DBN1: variants seen among roughly 807,000 people sequenced by gnomAD.
The protein encoded by DBN1 is drebrin.
DBN1 carries 21 observed loss-of-function variants against 83.5 expected under a neutral mutation model. The ratio of observed to expected loss-of-function variants is 0.25; its 90% CI spans 0.18 to 0.36. The LOEUF (loss-of-function observed/expected upper bound fraction) is 0.36, where lower values mean the gene tolerates loss of function less well. DBN1 is among the 10% of genes least tolerant of loss of function. The pLI, the probability that DBN1 is intolerant of heterozygous loss-of-function variation, is 1.00. For missense variants in DBN1, 874 were observed against 935.7 expected, an observed-to-expected ratio of 0.93 and a Z score of 0.86; for synonymous variants, 381 against 384.9, an observed-to-expected ratio of 0.99 and a Z score of 0.12.
At chr5:177,468,639 G>T in intron 2 of DBN1, 2 of 429,788 alleles carry the variant, frequency 4.7e-6, no homozygotes, top group Non-Finnish European at 8.2e-6. Flanking sequence ...CTCAGCCTCA[G>T]AAGTCCAACA....
chr5:177,457,299 G>T lies in DBN1; in HGVS notation c.*134C>A. ...GCCCTGTGGGTAGGGAAGCGGCCAA[G>T]TCCCCAGCCAGGGCCGGAATCCGGA... On this transcript the variant is annotated 3_prime_UTR_variant, in exon 15 of 15. Coordinates refer to ENST00000393565, the MANE Select transcript of DBN1 (RefSeq NM_001363541.2). 1 of 756,864 alleles carries T rather than the reference G, an allele frequency of 1.3e-6. No individual in the cohort carries two copies. The allele number at this position is 756,864 out of a possible 1,614,324, so 46.9% of individuals were successfully genotyped here.
Position 177,457,402 on chromosome 5 carries a change from TG to T in DBN1, c.*30del. The T allele has an allele frequency of 1.9e-6, 3 of 1,604,310 alleles. No homozygotes were observed. Among genetic ancestry groups the T allele is most frequent in the Non-Finnish European group, 2.6e-6 (3 of 1,171,400 alleles). On this transcript the variant is annotated 3_prime_UTR_variant, in exon 15 of 15. Coordinates refer to ENST00000393565, the MANE Select transcript of DBN1 (RefSeq NM_001363541.2). ...AGAGGCTGATGCAGGTGGGCGGCCT[TG>T]GCAAGGGTAGCCTAGGGCTGGCGCC...
At position 177,467,695 on chromosome 5, in the gene DBN1, C is replaced by T. The variant is rs763334591; in HGVS notation, c.330+48G>A. 1 of 1,553,384 alleles carries T rather than the reference C, an allele frequency of 6.4e-7. No homozygotes were observed. The highest frequency in any genetic ancestry group is 8.7e-7 in the Non-Finnish European group (1 of 1,148,312). ...CGCCATCCCCACCCCAGCACGCAGA[C>T]CCTGGTGGCTGTCCCCACCCCCAAG... is the stretch of plus-strand genomic sequence containing the variant. On this transcript the variant is annotated intron_variant, in intron 4 of 14. Transcript: ENST00000393565. This position sits in a 1 kb window ranked among gnomAD's most constrained non-coding sequence, Gnocchi z 9.1.
At chr5:177,468,965 G>C in intron 1 of DBN1, 66 bp from the exon 2 acceptor site, 1 of 1,049,112 alleles carries the variant, frequency 9.5e-7, no homozygotes, top group Non-Finnish European at 1.3e-6. Context: ...GGTGGGGACG[G>C]CTCTGGGGAG....
intron 8 of DBN1, among the ~76,000 whole-genome samples, chr5:177,463,983 C>T (rs187323527): frequency 6.6e-6 from 1 of 151,002 alleles, no homozygotes; most frequent in Non-Finnish European, 1.5e-5. Flanking sequence ...GGCATGGAGC[C>T]GTGCACCTGT....
At chr5:177,464,025 G>A (rs1757230288) in intron 8 of DBN1, among the ~76,000 whole-genome samples, 1 of 151,972 alleles carries the variant, frequency 6.6e-6, no homozygotes, top group Non-Finnish European at 1.5e-5. Flanking sequence ...TGAGGCAGGA[G>A]AATCGCTTGA....
Position 177,459,682 on chromosome 5 carries a change from A to AGAGGAG in DBN1, c.1008_1013dup (p.Ser341_Ser342dup). On this transcript the variant is annotated inframe_insertion, in exon 11 of 15. Transcript: ENST00000393565. The stretch of plus-strand genomic sequence containing the variant: ...GAGTCCGTGGAGGGGAGGAGGAGGA[A>AGAGGAG]GAGGAGGAGGAGGAAGGCCCACTGT... 6.3e-7 allele frequency: 1 copy of AGAGGAG among 1,592,082 alleles called. No homozygotes were observed. Among genetic ancestry groups the AGAGGAG allele is most frequent in the Non-Finnish European group, 8.5e-7 (1 of 1,169,624 alleles).
At chr5:177,457,938 C>T in intron 13 of DBN1, 120 bp downstream of exon 13, 1 of 1,453,054 alleles carries the variant, frequency 6.9e-7, no homozygotes, top group African/African-American at 1.4e-5. Context: ...ATGGACTTCC[C>T]CTCAAATAAT....
chr5:177,458,840 C>T, intron 12 of DBN1, 133 bp from the exon 13 acceptor site: 3 of 1,114,322 alleles, frequency 2.7e-6, no homozygotes, highest in Non-Finnish European at 3.7e-6. Context: ...ACCCAGTGAC[C>T]CCAGTGACTT....
In DBN1 at chr5:177,459,196, G is replaced by A; in HGVS notation, c.1166C>T (p.Thr389Ile). ...CTGCTCAGCGACAGGGGTGGAGGCG[G>A]TGCTGGAGTCAGACGGGCTCCGCGT... ...IPTRSPSDSS[T>I]ASTPVAEQIE... Residue 389 changes from threonine to isoleucine, a missense_variant, in exon 12 of 15, where the codon ACC becomes ATC. By Grantham distance (89) the Thr-to-Ile change is moderately conservative (BLOSUM62 -1). This residue lies in a region of DBN1 where 725 missense variants were observed against 719.7 expected (regional missense o/e 1.01). Transcript: ENST00000393565. 4 of 1,611,696 alleles carry A rather than the reference G, an allele frequency of 2.5e-6. No individual in the cohort carries two copies. Among genetic ancestry groups the A allele is most frequent in the Non-Finnish European group, 3.4e-6 (4 of 1,179,190 alleles).
chr5:177,466,871 G>A lies in DBN1; in HGVS notation c.708-36C>T, dbSNP rs562680814. The A allele has an allele frequency of 3.1e-6, 5 of 1,613,676 alleles. No homozygotes were observed. The highest frequency in any genetic ancestry group is 1.7e-5 in the Admixed American group (1 of 60,004). ...AAGCAGCCAGCACCCGTCAGGGTGC[G>A]CCCGGGGGCCCCTGGAGCGCTCCGG... On this transcript the variant is annotated intron_variant, in intron 7 of 14. Transcript: ENST00000393565. This position sits in a 1 kb window ranked among gnomAD's most constrained non-coding sequence, Gnocchi z 4.8.
At chr5:177,472,021 A>C in intron 1 of DBN1, 1 of 1,384,916 alleles carries the variant, frequency 7.2e-7, no homozygotes, top group Non-Finnish European at 9.6e-7. Context: ...CCACTTGCCC[A>C]GAGCTCCTCC....
chr5:177,459,772 G>A, intron 10 of DBN1, 32 bp from the exon 11 acceptor site: 2 of 1,437,334 alleles, frequency 1.4e-6, no homozygotes, highest in Non-Finnish European at 9.2e-7. Flanking sequence ...GAAAGAGACA[G>A]AGGACAAGAG....
chr5:177,464,459 T>A (rs28837979), intron 8 of DBN1, among the ~76,000 whole-genome samples: 77,143 of 150,222 alleles, frequency 0.51, 20,157 homozygotes, highest in Non-Finnish European at 0.56. Context: ...AAAATAAAAA[T>A]AAATAAATAA....
chr5:177,464,964 C>T (rs903436096), intron 8 of DBN1, among the ~76,000 whole-genome samples: 1 of 152,054 alleles, frequency 6.6e-6, no homozygotes, highest in South Asian at 2.1e-4. Context: ...ACCACCCTGG[C>T]TAACATGGTG....
In DBN1 at chr5:177,458,437, T is replaced by C; in HGVS notation, c.1535A>G (p.Asn512Ser). 11 of 1,614,142 alleles carry C rather than the reference T, an allele frequency of 6.8e-6. No homozygotes were observed. Among genetic ancestry groups the C allele is most frequent in the Non-Finnish European group, 8.5e-6 (10 of 1,179,996 alleles). ...DTATADTTVANNVPPAATSLI... is the reference protein window; with the variant it reads ...DTATADTTVASNVPPAATSLI... ...GCTGGTGGCGGCGGGGGGTACGTTGTTGGCAACAGTGGTGTCAGCAGTGGC... is the reference window on the plus strand; with the variant it reads ...GCTGGTGGCGGCGGGGGGTACGTTGCTGGCAACAGTGGTGTCAGCAGTGGC... The change falls in exon 13 of 15, where the codon AAC becomes AGC. Residue 512 changes from asparagine (N) to serine (S), a missense_variant. Asn to Ser is a conservative substitution (Grantham distance 46). This residue lies in a region of DBN1 where 725 missense variants were observed against 719.7 expected (regional missense o/e 1.01). Coordinates refer to ENST00000393565, the MANE Select transcript of DBN1 (RefSeq NM_001363541.2).
intron 8 of DBN1, among the ~76,000 whole-genome samples, chr5:177,465,901 C>A (rs1757412600): frequency 6.6e-6 from 1 of 151,336 alleles, no homozygotes; most frequent in African/African-American, 2.4e-5. Flanking sequence ...AAAAAAAGAT[C>A]TTACCCAGCT....
At chr5:177,457,868 G>A (rs1435380603) in intron 13 of DBN1, 111 bp from the exon 14 acceptor site, 1 of 1,000,084 alleles carries the variant, frequency 1.0e-6, no homozygotes, top group Admixed American at 2.1e-5. Flanking sequence ...TGGTTGCCAG[G>A]GAAACAAGGA....
Position 177,459,703 on chromosome 5 carries a change from A to G in DBN1, c.993T>C (p.Ser331=). Reference sequence around the variant, plus strand: ...AGGAAGAGGAGGAGGAGGAAGGCCCACTGTCCGATGCCTTTATGAAAGGGC... The same window carrying G: ...AGGAAGAGGAGGAGGAGGAAGGCCCGCTGTCCGATGCCTTTATGAAAGGGC... ...PYCPFIKASD[S]GPSSSSSSSS... The change falls in exon 11 of 15, where the codon AGT becomes AGC. Residue 331 remains serine, a synonymous_variant. Coordinates refer to ENST00000393565, the MANE Select transcript of DBN1 (RefSeq NM_001363541.2). The G allele has an allele frequency of 6.3e-7, 1 of 1,585,698 alleles. No individual in the cohort carries two copies. Among genetic ancestry groups the G allele is most frequent in the South Asian group, 1.2e-5 (1 of 86,876 alleles).
Sources: gnomAD v4.1 joint callset for allele counts (sites outside exome capture counted in the v4.1 genomes callset) on GRCh38, gnomAD v4.1.1 for gene constraint, gnomAD v4.1.1 regional missense constraint, Gnocchi (gnomAD v3.1) non-coding constraint, MANE v1.5 for transcripts, NCBI Gene and HGNC (gene_info 2026-07-23, HGNC 2026-07-21) for gene names.